The following ZNF726 variants were observed in gnomAD, a reference collection of about 807,000 sequenced individuals.
The protein encoded by ZNF726 is zinc finger protein 92 pseudogene 3.
ZNF726 carries 15 observed loss-of-function variants against 11.6 expected under a neutral mutation model. The observed-to-expected ratio is 1.29, with a 90% CI of 0.86 to 1.99. The LOEUF is 1.99. Ranked by LOEUF, ZNF726 falls within the 30% of genes most tolerant of loss-of-function variation. ZNF726 has a pLI of 0.00. For synonymous variants in ZNF726, 295 were observed against 243.6 expected (o/e 1.21, Z -1.96); for missense variants, 890 against 725.6 (o/e 1.23, Z -2.60).
intron 3 of ZNF726, among the ~76,000 whole-genome samples, chr19:23,921,960 A>G (rs1429390011): frequency 6.6e-6 from 1 of 152,200 alleles, no homozygotes; most frequent in Non-Finnish European, 1.5e-5. Context: ...TGTAAATTTG[A>G]AGGAGCAAAC....
At chr19:23,923,099 T>C (rs1005912812) in intron 3 of ZNF726, among the ~76,000 whole-genome samples, 1 of 152,168 alleles carries the variant, frequency 6.6e-6, no homozygotes, top group African/African-American at 2.4e-5. Context: ...AATTACAGAA[T>C]TTTCAACCAC....
Position 23,933,133 on chromosome 19 carries a change from A to G in ZNF726, c.1017A>G (p.Lys339=). The part of the protein sequence containing the change: ...TRHKRLHSGE[K]PYKCEECAKA... ...ATAAGAGGCTGCACAGTGGAGAGAA[A>G]CCCTACAAATGTGAAGAATGTGCCA... Residue 339 remains lysine, a synonymous_variant, in exon 4 of 4, where the codon AAA becomes AAG. Transcript: ENST00000594466. 1.2e-6 allele frequency: 2 copies of G among 1,611,502 alleles called. No homozygotes were observed. Among genetic ancestry groups the G allele is most frequent in the Non-Finnish European group, 8.5e-7 (1 of 1,179,838 alleles).
At chr19:23,935,527 A>G, downstream of ZNF726, 1 of 373,430 alleles carries the variant, frequency 2.7e-6, no homozygotes, top group Non-Finnish European at 5.3e-6. Flanking sequence ...GATTATTCAT[A>G]CTGAAGAGAA....
At chr19:23,929,538 A>T (rs931049131) in intron 3 of ZNF726, among the ~76,000 whole-genome samples, 2 of 152,150 alleles carry the variant, frequency 1.3e-5, no homozygotes, top group African/African-American at 4.8e-5. Flanking sequence ...CACAGAAAAG[A>T]CCTGCCCCCA....
rs376699800 is a variant in ZNF726, at chr19:23,919,750, T to A, written c.131-237T>A. 9.8e-5 allele frequency: 47 copies of A among 479,800 alleles called. No individual in the cohort carries two copies. The East Asian group carries it at 1.7e-3, about 18-fold the overall frequency. The allele number at this position is 479,800 out of a possible 1,614,324, so 29.7% of individuals were successfully genotyped here. A position where few individuals can be genotyped will look rare whatever the true frequency, so the allele number is the denominator to read the frequency against. ...ACCTTAGTGGCATAAAATATTGTTA[T>A]TCACACCTTAAAATCCAAGTGCCAT... On this transcript the variant is annotated intron_variant, in intron 2 of 3. Coordinates refer to ENST00000594466, the MANE Select transcript of ZNF726 (RefSeq NM_001244038.2).
chr19:23,933,057 A>G lies in ZNF726; in HGVS notation c.941A>G (p.Lys314Arg). 6.2e-7 allele frequency: 1 copy of G among 1,613,756 alleles called. No individual in the cohort carries two copies. The highest frequency in any genetic ancestry group is 8.5e-7 in the Non-Finnish European group (1 of 1,179,976). Residue 314 changes from lysine (K) to arginine (R), a missense_variant, in exon 4 of 4, where the codon AAA becomes AGA. Transcript: ENST00000594466. ...ATGCACATTGGAGAGAAACCCTACAAATGTGAAGAATGTGGCAAAGCATTT... is the reference window on the plus strand; with the variant it reads ...ATGCACATTGGAGAGAAACCCTACAGATGTGAAGAATGTGGCAAAGCATTT... ...KRMHIGEKPY[K>R]CEECGKAFVW... is the part of the protein sequence containing the mutation.
chr19:23,933,757 T>A lies in ZNF726; in HGVS notation c.1641T>A (p.Asn547Lys), dbSNP rs1213143945. The change falls in exon 4 of 4, where the codon AAT becomes AAA. Residue 547 changes from asparagine to lysine, a missense_variant. By Grantham distance (94) the Asn-to-Lys change is moderately conservative. Coordinates refer to ENST00000594466, the MANE Select transcript of ZNF726 (RefSeq NM_001244038.2). Reference sequence around the variant, plus strand: ...GTGAAGAATGTGGCAAAACTTTTAATCAATCCTCAAATCTTAGTACACATA... The same window carrying A: ...GTGAAGAATGTGGCAAAACTTTTAAACAATCCTCAAATCTTAGTACACATA... ...YKCEECGKTF[N>K]QSSNLSTHKI... 6.2e-7 allele frequency: 1 copy of A among 1,604,308 alleles called. No homozygotes were observed. Among genetic ancestry groups the A allele is most frequent in the African/African-American group, 1.4e-5 (1 of 69,578 alleles).
rs774694966 is a variant in ZNF726 at position 23,933,904 on chromosome 19, C to G, written c.1788C>G (p.Asp596Glu). The G allele has an allele frequency of 3.8e-6, 6 of 1,584,580 alleles. No homozygotes were observed. Among genetic ancestry groups the G allele is most frequent in the Non-Finnish European group, 5.1e-6 (6 of 1,166,226 alleles). The change falls in exon 4 of 4, where the codon GAC becomes GAG. Residue 596 changes from aspartate to glutamate, a missense_variant. Transcript: ENST00000594466. The stretch of plus-strand genomic sequence containing the variant: ...CTGGAGAGAAACCTTACAAGTGTGA[C>G]GAATGTGGCAAATCATTTATCTGGT... ...IHTGEKPYKC[D>E]ECGKSFIWSS... is the part of the protein sequence containing the mutation.
rs1385360438 is a variant in ZNF726 at position 23,925,709 on chromosome 19, TTTTC to T, written c.226+5631_226+5634del. On this transcript the variant is annotated intron_variant, in intron 3 of 3. Coordinates refer to ENST00000594466, the MANE Select transcript of ZNF726 (RefSeq NM_001244038.2). ...ATTCAATTTGATTGTTCAGTTTTTC[TTTTC>T]TTTTTTTTTTTTTTTTTTTGGGAGA... 7.0e-3 allele frequency among the ~76,000 whole-genome samples: 1,012 copies of T among 144,134 alleles called. 12 individuals carry two copies. Among genetic ancestry groups the T allele is most frequent in the African/African-American group, 0.027 (966 of 35,962 alleles). 94.6% of individuals were successfully genotyped at this position (144,134 alleles called of 152,430 possible).
At chr19:23,919,184 G>A (rs1330870960) in intron 1 of ZNF726, 189 bp from the exon 2 acceptor site, 2 of 834,716 alleles carry the variant, frequency 2.4e-6, no homozygotes, top group South Asian at 1.8e-5. Flanking sequence ...TATTATGCCA[G>A]TCTCTTTTCT....
At chr19:23,935,400 G>A (rs758897337), downstream of ZNF726, 76 of 523,880 alleles carry the variant, frequency 1.5e-4, 2 homozygotes, top group South Asian at 9.0e-4. Flanking sequence ...AATTGGCAAA[G>A]CCTTTAACCA....
intron 3 of ZNF726, among the ~76,000 whole-genome samples, chr19:23,939,972 G>T (rs1359718736): frequency 6.7e-6 from 1 of 148,522 alleles, no homozygotes; most frequent in Non-Finnish European, 1.5e-5. Context: ...CACTCTGTGA[G>T]TTCTCTGTTT....
rs777600196 is a variant in ZNF726, at chr19:23,933,022, A to G, written c.906A>G (p.Ile302Met). ...TTAGCCAACCCTCAGCACTAACCAT[A>G]CATAAGAGGATGCACATTGGAGAGA... The part of the protein sequence containing the change: ...KAFSQPSALT[I>M]HKRMHIGEKP... Residue 302 changes from isoleucine to methionine, a missense_variant, in exon 4 of 4, where the codon ATA becomes ATG. Physicochemically the swap from Ile to Met is conservative, Grantham distance 10. Transcript: ENST00000594466. 11 of 1,613,160 alleles carry G rather than the reference A, an allele frequency of 6.8e-6. No homozygotes were observed. The South Asian group carries it at 9.9e-5, about 14-fold the overall frequency.
At chr19:23,932,265 T>C in intron 3 of ZNF726, 78 bp from the exon 4 acceptor site, 1 of 1,112,504 alleles carries the variant, frequency 9.0e-7, no homozygotes, top group Non-Finnish European at 1.2e-6. Context: ...GTAGGTTGTA[T>C]AATTTTATAG....
intron 1 of ZNF726, among the ~76,000 whole-genome samples, chr19:23,917,377 A>G (rs573991082): frequency 1.8e-4 from 27 of 152,218 alleles, no homozygotes; most frequent in African/African-American, 6.5e-4. Flanking sequence ...GAAAACTTTT[A>G]CTTTATCTTT....
chr19:23,922,767 T>G (rs906809495), intron 3 of ZNF726, among the ~76,000 whole-genome samples: 2 of 152,308 alleles, frequency 1.3e-5, no homozygotes, highest in South Asian at 4.2e-4. Flanking sequence ...CAGGCAAGTC[T>G]TAATATTTTG....
intron 3 of ZNF726, among the ~76,000 whole-genome samples, chr19:23,925,708 CTTTTCTTTTTTTT>C (rs1967968872): frequency 7.6e-6 from 1 of 131,602 alleles, no homozygotes. Flanking sequence ...TTCAGTTTTT[CTTTTCTTTTTTTT>C]TTTTTTTTTT....
In ZNF726 at chr19:23,918,083, A is replaced by G. The variant is rs183557452; in HGVS notation, c.4-1290A>G. ...CGGTTATACCTGTGGCAAGGCAGGA[A>G]GATCAGTTTCGGTGGAAGTAGCCCT... On this transcript the variant is annotated intron_variant, in intron 1 of 3. Coordinates refer to ENST00000594466, the MANE Select transcript of ZNF726 (RefSeq NM_001244038.2). Among the ~76,000 whole-genome samples, 26 of 152,274 alleles carry G rather than the reference A, an allele frequency of 1.7e-4. No homozygotes were observed. In the East Asian group the frequency reaches 5.0e-3, roughly 29 times the overall value.
At chr19:23,942,986 T>C (rs1250008294) in intron 3 of ZNF726, among the ~76,000 whole-genome samples, 1 of 152,202 alleles carries the variant, frequency 6.6e-6, no homozygotes, top group African/African-American at 2.4e-5. Flanking sequence ...ACATTCATCA[T>C]GCTCTTTGTT....
Sources: gnomAD v4.1 joint callset for allele counts (sites outside exome capture counted in the v4.1 genomes callset) on GRCh38, gnomAD v4.1.1 for gene constraint, MANE v1.5 for transcripts, NCBI Gene and HGNC (gene_info 2026-07-23, HGNC 2026-07-21) for gene names.